Variants in MYO5B observed in about 807,000 individuals in gnomAD.
The protein encoded by MYO5B is unconventional myosin-Vb.
A neutral mutation model predicts 229.3 loss-of-function variants in MYO5B; 143 were observed. The ratio of observed to expected loss-of-function variants is 0.62; its 90% confidence interval spans 0.54 to 0.72. MYO5B has a LOEUF of 0.72. Among genes scored for constraint, MYO5B ranks in the 30% least tolerant of loss-of-function variants. The pLI, the probability that MYO5B is intolerant of heterozygous loss-of-function variation, is 0.00. For synonymous variants in MYO5B, 918 were observed against 885.2 expected, an observed-to-expected ratio of 1.04 and a Z score of -0.66; for missense variants, 2,321 against 2,331.0, an observed-to-expected ratio of 1.00 and a Z score of 0.09.
intron 36 of MYO5B, among the ~76,000 whole-genome samples, chr18:49,838,016 A>C (rs1176078830): frequency 1.3e-5 from 2 of 152,202 alleles, no homozygotes; most frequent in Non-Finnish European, 2.9e-5. Flanking sequence ...ATTTTCATTT[A>C]ATTTACTGGC....
At chr18:50,033,529 T>C (rs1484497373) in intron 4 of MYO5B, among the ~76,000 whole-genome samples, 1 of 152,150 alleles carries the variant, frequency 6.6e-6, no homozygotes, top group African/African-American at 2.4e-5. Flanking sequence ...TAGTGGCCAG[T>C]ATTGAGCCTA....
At chr18:50,150,808 A>G (rs902490572) in intron 1 of MYO5B, among the ~76,000 whole-genome samples, 2 of 152,190 alleles carry the variant, frequency 1.3e-5, no homozygotes, top group South Asian at 2.1e-4. Flanking sequence ...CATTGTGCAC[A>G]TGTACCCTAA....
intron 1 of MYO5B, among the ~76,000 whole-genome samples, chr18:50,121,418 T>C (rs1363494010): frequency 6.6e-6 from 1 of 152,226 alleles, no homozygotes; most frequent in Non-Finnish European, 1.5e-5. Context: ...CTTGTGTATG[T>C]CTTTCTAAAC....
chr18:50,104,993 G>A (rs1050420002), intron 1 of MYO5B, among the ~76,000 whole-genome samples: 5 of 152,008 alleles, frequency 3.3e-5, no homozygotes, highest in Non-Finnish European at 5.9e-5. Context: ...CTCAACCACC[G>A]GGAGGACTCC....
chr18:50,069,721 C>T (rs1367158001), intron 1 of MYO5B, among the ~76,000 whole-genome samples: 1 of 152,072 alleles, frequency 6.6e-6, no homozygotes, highest in Non-Finnish European at 1.5e-5. Context: ...ACACTGAGAT[C>T]CAGGAAGTTA....
intron 16 of MYO5B, among the ~76,000 whole-genome samples, chr18:49,930,195 T>G (rs1213043343): frequency 6.6e-6 from 1 of 152,178 alleles, no homozygotes; most frequent in South Asian, 2.1e-4. Context: ...GAAGCTTAAA[T>G]GTAATGGTCC....
chr18:50,192,024 C>T (rs1568139701), intron 1 of MYO5B, among the ~76,000 whole-genome samples: 2 of 151,158 alleles, frequency 1.3e-5, no homozygotes, highest in South Asian at 4.2e-4. Flanking sequence ...AGGGACGAAG[C>T]GATGTCAAAG....
chr18:50,126,330 G>C (rs889877504), intron 1 of MYO5B, among the ~76,000 whole-genome samples: 7 of 152,308 alleles, frequency 4.6e-5, no homozygotes, highest in African/African-American at 1.2e-4. Flanking sequence ...CTGGACACTA[G>C]AGACACAGTA....
chr18:50,090,623 TA>T (rs2031427700), intron 1 of MYO5B, among the ~76,000 whole-genome samples: 1 of 152,218 alleles, frequency 6.6e-6, no homozygotes, highest in Non-Finnish European at 1.5e-5. Context: ...CTACCCTTTT[TA>T]GGCTTCTTGG....
intron 10 of MYO5B, among the ~76,000 whole-genome samples, chr18:49,966,508 T>C (rs897906269): frequency 6.6e-6 from 1 of 152,106 alleles, no homozygotes; most frequent in African/African-American, 2.4e-5. Context: ...TCCTCCACCC[T>C]GAGAGAAGCT....
chr18:49,858,386 G>A (rs2024288110), intron 29 of MYO5B, among the ~76,000 whole-genome samples: 1 of 152,242 alleles, frequency 6.6e-6, no homozygotes, highest in African/African-American at 2.4e-5. Context: ...GAGCGCATCA[G>A]CGCTGAAAGG....
chr18:49,903,647 T>A (rs916354852), intron 20 of MYO5B, among the ~76,000 whole-genome samples: 2 of 152,244 alleles, frequency 1.3e-5, no homozygotes, highest in African/African-American at 4.8e-5. Flanking sequence ...CGTGCTTTAC[T>A]TTTATTATTT....
At chr18:49,995,944 A>G (rs1367669731) in intron 5 of MYO5B, among the ~76,000 whole-genome samples, 1 of 152,252 alleles carries the variant, frequency 6.6e-6, no homozygotes, top group East Asian at 1.9e-4. Context: ...TACAGGAAAT[A>G]AAGTGGACAA....
intron 1 of MYO5B, among the ~76,000 whole-genome samples, chr18:50,151,756 C>T (rs1313993411): frequency 6.6e-6 from 1 of 152,066 alleles, no homozygotes; most frequent in Non-Finnish European, 1.5e-5. Flanking sequence ...TCTGTTTTGG[C>T]TCCCTGGAGT....
chr18:49,942,397 A>AC (rs1413888323), intron 14 of MYO5B, among the ~76,000 whole-genome samples: 1 of 78,224 alleles, frequency 1.3e-5, no homozygotes, highest in African/African-American at 6.0e-5. Context: ...AAAAAAAAAA[A>AC]AAAAAAAACT....
intron 3 of MYO5B, among the ~76,000 whole-genome samples, chr18:50,037,657 T>C (rs1275861746): frequency 1.3e-5 from 2 of 152,180 alleles, no homozygotes; most frequent in African/African-American, 2.4e-5. Flanking sequence ...CCCAGCACTT[T>C]GGGATGCTGA....
In MYO5B at chr18:49,839,489, A is replaced by G; in HGVS notation, c.4702-195T>C. ...GATGACCCTTGAACTTGAAGGATGTAGAAAAACTCAACATGAGAGAGAAAG... is the reference window on the plus strand; with the variant it reads ...GATGACCCTTGAACTTGAAGGATGTGGAAAAACTCAACATGAGAGAGAAAG... On this transcript the variant is annotated intron_variant, in intron 35 of 39. Transcript: ENST00000285039. 1.1e-5 allele frequency: 7 copies of G among 638,756 alleles called. No individual in the cohort carries two copies. The South Asian group carries it at 1.2e-4, about 11-fold the overall frequency. 39.6% of individuals were successfully genotyped at this position (638,756 alleles called of 1,614,324 possible).
intron 31 of MYO5B, among the ~76,000 whole-genome samples, chr18:49,852,015 G>A (rs1392794719): frequency 1.3e-5 from 2 of 152,112 alleles, no homozygotes; most frequent in African/African-American, 4.8e-5. Context: ...TCCTTGCCCG[G>A]CCAGCAGCAC....
At chr18:49,901,721 A>G (rs2024843628) in intron 21 of MYO5B, among the ~76,000 whole-genome samples, 1 of 152,234 alleles carries the variant, frequency 6.6e-6, no homozygotes, top group African/African-American at 2.4e-5. Flanking sequence ...AGACAGACAG[A>G]TAGGCAGACA....
Sources: allele counts gnomAD v4.1 joint callset (sites outside exome capture counted in the v4.1 genomes callset), GRCh38; gene constraint gnomAD v4.1.1; transcripts MANE v1.5; gene names NCBI Gene and HGNC (gene_info 2026-07-23, HGNC 2026-07-21).